Variants in DCDC1 observed in about 807,000 individuals in gnomAD.
DCDC1 encodes doublecortin domain-containing protein 1.
A neutral mutation model predicts 178.3 loss-of-function variants in DCDC1; 200 were observed. The observed-to-expected ratio is 1.12, with a 90% CI of 1.00 to 1.26. DCDC1 has a LOEUF of 1.26. DCDC1 is among the 50% of genes most tolerant of loss of function. The pLI is 0.00. For synonymous variants in DCDC1, 690 were observed against 604.8 expected (o/e 1.14, Z -2.07); for missense variants, 1,983 against 1,749.2 (o/e 1.13, Z -2.38).
intron 35 of DCDC1, among the ~76,000 whole-genome samples, chr11:30,893,968 A>G (rs1444609180): frequency 6.6e-6 from 1 of 152,194 alleles, no homozygotes; most frequent in Non-Finnish European, 1.5e-5. Flanking sequence ...TACAATTATT[A>G]CAATTACCTT....
At chr11:30,911,235 GTT>G in intron 28 of DCDC1, 90 bp downstream of exon 28, 17 of 804,424 alleles carry the variant, frequency 2.1e-5, no homozygotes, top group Non-Finnish European at 2.1e-5. Flanking sequence ...TTCTATGACA[GTT>G]TTTTTTTTTC....
intron 25 of DCDC1, 40 bp downstream of exon 25, chr11:30,920,736 A>G: frequency 6.2e-7 from 1 of 1,605,346 alleles, no homozygotes; most frequent in South Asian, 1.1e-5. Context: ...TGAGTTCAAA[A>G]AGCAGCCAGG....
intron 9 of DCDC1, among the ~76,000 whole-genome samples, chr11:31,235,044 T>A (rs1287818491): frequency 6.6e-6 from 1 of 152,180 alleles, no homozygotes; most frequent in Admixed American, 6.6e-5. Context: ...TAAAATGCAA[T>A]ATTTCTACCC....
intron 7 of DCDC1, among the ~76,000 whole-genome samples, chr11:31,284,453 C>T (rs994463441): frequency 3.3e-5 from 5 of 151,940 alleles, no homozygotes; most frequent in African/African-American, 4.8e-5. Flanking sequence ...TAAAGTTCAT[C>T]AAAGATTCTT....
intron 20 of DCDC1, among the ~76,000 whole-genome samples, chr11:30,954,181 A>AT (rs1948623471): frequency 6.6e-6 from 1 of 151,092 alleles, no homozygotes; most frequent in Admixed American, 6.6e-5. Flanking sequence ...ACGCCCGGCT[A>AT]TTTTTTTGTA....
intron 8 of DCDC1, among the ~76,000 whole-genome samples, chr11:31,244,993 T>C (rs948637434): frequency 6.6e-6 from 1 of 151,694 alleles, no homozygotes; most frequent in Non-Finnish European, 1.5e-5. Flanking sequence ...CTAGTAGCTA[T>C]ATTCATTTCA....
intron 9 of DCDC1, among the ~76,000 whole-genome samples, chr11:31,240,963 A>G (rs1214113835): frequency 1.3e-5 from 2 of 151,908 alleles, no homozygotes; most frequent in Non-Finnish European, 2.9e-5. Context: ...TATACTTTTG[A>G]CTCCTGAAAC....
At chr11:30,876,261 C>G (rs1198638573) in intron 38 of DCDC1, among the ~76,000 whole-genome samples, 1 of 152,124 alleles carries the variant, frequency 6.6e-6, no homozygotes, top group African/African-American at 2.4e-5. Context: ...AACATGTTCC[C>G]AAAGGAAATT....
At chr11:30,952,421 A>T in intron 21 of DCDC1, 24 bp downstream of exon 21, 1 of 1,515,950 alleles carries the variant, frequency 6.6e-7, no homozygotes, top group Non-Finnish European at 8.9e-7. Context: ...CTCAATGACC[A>T]TCTCTTAAGC....
At chr11:31,031,294 G>A (rs998846096) in intron 20 of DCDC1, among the ~76,000 whole-genome samples, 3 of 152,002 alleles carry the variant, frequency 2.0e-5, no homozygotes, top group African/African-American at 7.2e-5. Context: ...GTAAAACTTT[G>A]TTTTCATTAC....
chr11:31,367,771 C>T (rs1201033411), intron 1 of DCDC1, among the ~76,000 whole-genome samples: 1 of 152,088 alleles, frequency 6.6e-6, no homozygotes, highest in African/African-American at 2.4e-5. Context: ...TTACGGCTTA[C>T]ATTATATTTC....
intron 20 of DCDC1, among the ~76,000 whole-genome samples, chr11:31,004,028 G>A (rs1294473382): frequency 6.6e-6 from 1 of 152,052 alleles, no homozygotes; most frequent in African/African-American, 2.4e-5. Flanking sequence ...AACTTTTGGA[G>A]GAATGACAAT....
At chr11:31,047,469 T>A (rs1287025691) in intron 20 of DCDC1, among the ~76,000 whole-genome samples, 1 of 152,168 alleles carries the variant, frequency 6.6e-6, no homozygotes, top group Non-Finnish European at 1.5e-5. Flanking sequence ...TAAGGGTTAG[T>A]GATAAACATG....
intron 21 of DCDC1, chr11:30,944,272 CT>C (rs1365527855): frequency 4.4e-6 from 2 of 455,286 alleles, no homozygotes; most frequent in Non-Finnish European, 8.8e-6. Context: ...ATAGCTTATA[CT>C]TCTTAATCTG....
chr11:31,248,430 T>C (rs1943732244), intron 8 of DCDC1, among the ~76,000 whole-genome samples: 1 of 152,070 alleles, frequency 6.6e-6, no homozygotes, highest in Non-Finnish European at 1.5e-5. Flanking sequence ...TGTTACATTG[T>C]ACAGTCACAT....
intron 9 of DCDC1, among the ~76,000 whole-genome samples, chr11:31,152,598 TCTC>T (rs1379062642): frequency 6.6e-6 from 1 of 152,204 alleles, no homozygotes; most frequent in African/African-American, 2.4e-5. Flanking sequence ...CAGTCTGTCA[TCTC>T]CTTTGTGTCA....
intron 20 of DCDC1, among the ~76,000 whole-genome samples, chr11:31,021,588 G>A (rs529796815): frequency 6.6e-6 from 1 of 152,214 alleles, no homozygotes; most frequent in Admixed American, 6.5e-5. Flanking sequence ...GTAACTAAGG[G>A]GAGTGATTTT....
intron 9 of DCDC1, among the ~76,000 whole-genome samples, chr11:31,198,074 C>A (rs1251458440): frequency 1.3e-5 from 2 of 152,118 alleles, no homozygotes; most frequent in Admixed American, 1.3e-4. Flanking sequence ...TCATCATCAT[C>A]ATGAAAATGA....
At chr11:30,993,163 G>C (rs959437294) in intron 20 of DCDC1, among the ~76,000 whole-genome samples, 2 of 152,018 alleles carry the variant, frequency 1.3e-5, no homozygotes, top group Non-Finnish European at 2.9e-5. Context: ...AAAATACTAT[G>C]TGTAATTTAC....
Sources: allele counts gnomAD v4.1 joint callset (sites outside exome capture counted in the v4.1 genomes callset), GRCh38; gene constraint gnomAD v4.1.1; transcripts MANE v1.5; gene names NCBI Gene and HGNC (gene_info 2026-07-23, HGNC 2026-07-21).